Variants in ABTB3 observed in about 807,000 individuals in gnomAD.
The protein encoded by ABTB3 is ankyrin repeat- and BTB/POZ domain-containing protein 3.
chr12:107,481,883 G>GACTC, the ABTB3 span, among the ~76,000 whole-genome samples: 1 of 108,320 alleles, frequency 9.2e-6, no homozygotes, highest in Middle Eastern at 5.6e-3. Flanking sequence ...GAAATCAAGA[G>GACTC]TCTCTCTCTC....
At chr12:107,409,867 A>T in the ABTB3 span, among the ~76,000 whole-genome samples, 4 of 152,360 alleles carry the variant, frequency 2.6e-5, no homozygotes, top group African/African-American at 7.2e-5. Flanking sequence ...AAAATATTTT[A>T]AAAAGACAGG....
the ABTB3 span, among the ~76,000 whole-genome samples, chr12:107,339,680 CGTGTGTGTGTGT>C: frequency 2.0e-5 from 3 of 149,138 alleles, no homozygotes; most frequent in African/African-American, 4.9e-5. Context: ...TGTGCATGCA[CGTGTGTGTGTGT>C]GTGTGTGTGT....
the ABTB3 span, chr12:107,544,241 T>A: frequency 1.6e-6 from 2 of 1,279,920 alleles, no homozygotes; most frequent in Non-Finnish European, 2.2e-6. Context: ...AGGACTCACT[T>A]CCTAAAACTT....
the ABTB3 span, among the ~76,000 whole-genome samples, chr12:107,654,183 C>A: frequency 6.6e-6 from 1 of 152,190 alleles, no homozygotes; most frequent in African/African-American, 2.4e-5. Flanking sequence ...ATTCATTCAC[C>A]TATCAATAGA....
At chr12:107,370,218 T>C in the ABTB3 span, among the ~76,000 whole-genome samples, 1 of 152,238 alleles carries the variant, frequency 6.6e-6, no homozygotes, top group Non-Finnish European at 1.5e-5. Context: ...CTGCCTCTTG[T>C]TCTCGCCTGC....
the ABTB3 span, among the ~76,000 whole-genome samples, chr12:107,566,950 C>T: frequency 1.6e-4 from 24 of 152,152 alleles, no homozygotes; most frequent in Middle Eastern, 3.4e-3. Flanking sequence ...GCCCCCATCT[C>T]TAGAAAAGAT....
chr12:107,552,661 C>T, the ABTB3 span, among the ~76,000 whole-genome samples: 49 of 152,302 alleles, frequency 3.2e-4, no homozygotes, highest in Middle Eastern at 3.4e-3. Context: ...TTAATGAAAT[C>T]GAAGCCCAGA....
the ABTB3 span, among the ~76,000 whole-genome samples, chr12:107,630,050 G>A: frequency 6.6e-6 from 1 of 152,172 alleles, no homozygotes; most frequent in Admixed American, 6.5e-5. Flanking sequence ...GCCTGGAGGA[G>A]GAGCACTGGG....
the ABTB3 span, among the ~76,000 whole-genome samples, chr12:107,539,143 C>T: frequency 6.6e-6 from 1 of 152,152 alleles, no homozygotes; most frequent in Non-Finnish European, 1.5e-5. Context: ...AAATAGAAAA[C>T]GTGTCTAAAT....
the ABTB3 span, among the ~76,000 whole-genome samples, chr12:107,535,380 A>G: frequency 1.3e-5 from 2 of 152,188 alleles, no homozygotes; most frequent in Non-Finnish European, 2.9e-5. Flanking sequence ...AAGGATGCCC[A>G]CTTTCACCAC....
At chr12:107,530,729 A>G in the ABTB3 span, among the ~76,000 whole-genome samples, 181 of 152,284 alleles carry the variant, frequency 1.2e-3, no homozygotes, top group African/African-American at 4.1e-3. Flanking sequence ...ACTAGAGTTT[A>G]TTTAATCATG....
chr12:107,496,512 A>G, the ABTB3 span, among the ~76,000 whole-genome samples: 1 of 152,202 alleles, frequency 6.6e-6, no homozygotes, highest in Non-Finnish European at 1.5e-5. Flanking sequence ...GCATAAATGG[A>G]GGCAGCAAAG....
the ABTB3 span, among the ~76,000 whole-genome samples, chr12:107,544,732 A>G: frequency 6.6e-6 from 1 of 152,190 alleles, no homozygotes; most frequent in Non-Finnish European, 1.5e-5. Context: ...TGTCTCACGA[A>G]TCAGGTCCCT....
chr12:107,395,943 C>G, the ABTB3 span, among the ~76,000 whole-genome samples: 3 of 152,204 alleles, frequency 2.0e-5, no homozygotes, highest in Non-Finnish European at 4.4e-5. Flanking sequence ...TGGATGGGAA[C>G]CCTGTGTGGC....
At chr12:107,654,375 T>C in the ABTB3 span, among the ~76,000 whole-genome samples, 2 of 152,318 alleles carry the variant, frequency 1.3e-5, no homozygotes, top group African/African-American at 4.8e-5. Flanking sequence ...CTCAGCTCAC[T>C]GTAACCTTTG....
At chr12:107,625,211 T>C in the ABTB3 span, among the ~76,000 whole-genome samples, 2 of 152,364 alleles carry the variant, frequency 1.3e-5, no homozygotes, top group African/African-American at 4.8e-5. Context: ...TTTTGAGTGT[T>C]CTTTATGTAT....
chr12:107,565,786 A>T, the ABTB3 span, among the ~76,000 whole-genome samples: 1 of 152,212 alleles, frequency 6.6e-6, no homozygotes, highest in African/African-American at 2.4e-5. Context: ...AGAAGGAATT[A>T]GACAAGTAGG....
the ABTB3 span, among the ~76,000 whole-genome samples, chr12:107,331,218 C>T: frequency 3.3e-5 from 5 of 152,318 alleles, no homozygotes; most frequent in African/African-American, 9.6e-5. Flanking sequence ...CTCTCTGACT[C>T]CTCCCTCAGC....
the ABTB3 span, among the ~76,000 whole-genome samples, chr12:107,535,995 T>C: frequency 6.6e-6 from 1 of 152,158 alleles, no homozygotes; most frequent in Non-Finnish European, 1.5e-5. Context: ...CTTCAAAGTA[T>C]ACTAAGCAAT....
Sources: allele counts gnomAD v4.1 joint callset (sites outside exome capture counted in the v4.1 genomes callset), GRCh38; gene constraint gnomAD v4.1.1; transcripts MANE v1.5; gene names NCBI Gene and HGNC (gene_info 2026-07-23, HGNC 2026-07-21).